Variants in SPP2 observed in about 807,000 individuals in gnomAD.
SPP2 encodes secreted phosphoprotein 2.
In SPP2, 34 loss-of-function variants were observed where a neutral mutation model predicts 28.8. The observed-to-expected ratio is 1.18, with a 90% confidence interval of 0.90 to 1.57. SPP2 has a LOEUF of 1.57. Among genes scored for constraint, SPP2 ranks in the 40% most tolerant of loss-of-function variants. The probability of loss-of-function intolerance (pLI) is 0.00; values close to 1 mark genes in which losing one functional copy is unlikely to be tolerated. For synonymous variants in SPP2, 96 were observed against 89.4 expected (o/e 1.07, Z -0.42); for missense variants, 269 against 263.9 (o/e 1.02, Z -0.13).
intron 6 of SPP2, among the ~76,000 whole-genome samples, chr2:234,067,595 G>A (rs1693848372): frequency 6.6e-6 from 1 of 151,876 alleles, no homozygotes; most frequent in South Asian, 2.1e-4. Context: ...GGCTAACATG[G>A]TGAAACCCCG....
intron 3 of SPP2, 83 bp downstream of exon 3, chr2:234,059,041 T>G (rs1574826573): frequency 6.6e-7 from 1 of 1,518,514 alleles, no homozygotes; most frequent in East Asian, 2.3e-5. Flanking sequence ...ACAAAGAACT[T>G]GGTCGCTGCC....
chr2:234,052,523 G>T (rs28903987), intron 2 of SPP2, among the ~76,000 whole-genome samples: 2,044 of 152,320 alleles, frequency 0.013, 58 homozygotes, highest in African/African-American at 0.046. Flanking sequence ...ATGAGCTATT[G>T]TGAGGCACAG....
chr2:234,073,104 T>G (rs1431902475), intron 7 of SPP2, among the ~76,000 whole-genome samples: 1 of 152,288 alleles, frequency 6.6e-6, no homozygotes, highest in East Asian at 1.9e-4. Context: ...GCCAGGCTAG[T>G]CTCAAACTCC....
chr2:234,056,335 C>G (rs1054662833), intron 2 of SPP2: 2 of 152,152 alleles, frequency 1.3e-5, no homozygotes, highest in African/African-American at 4.8e-5. Context: ...TCATCACTGG[C>G]CATCAGAGAA....
intron 2 of SPP2, among the ~76,000 whole-genome samples, chr2:234,052,620 C>T (rs28903988): frequency 0.075 from 11,407 of 152,186 alleles, 802 homozygotes; most frequent in African/African-American, 0.19. Context: ...AAAATAGATA[C>T]AATTATATGC....
At chr2:234,059,525 C>T (rs1467188123) in intron 3 of SPP2, among the ~76,000 whole-genome samples, 2 of 152,118 alleles carry the variant, frequency 1.3e-5, no homozygotes, top group Non-Finnish European at 2.9e-5. Context: ...CTCCCAAATC[C>T]AGTTTCTCGG....
At chr2:234,069,455 A>G (rs1339988171) in intron 6 of SPP2, among the ~76,000 whole-genome samples, 1 of 152,232 alleles carries the variant, frequency 6.6e-6, no homozygotes, top group Non-Finnish European at 1.5e-5. Flanking sequence ...AATGTGACCA[A>G]TTCTTTTATA....
intron 4 of SPP2, among the ~76,000 whole-genome samples, chr2:234,062,619 T>G (rs941974004): frequency 2.0e-5 from 3 of 152,066 alleles, no homozygotes; most frequent in Admixed American, 2.0e-4. Flanking sequence ...AGATTGGAAC[T>G]AGGTAAGAAT....
intron 7 of SPP2, among the ~76,000 whole-genome samples, chr2:234,073,141 G>C (rs376633937): frequency 5.3e-4 from 81 of 152,288 alleles, no homozygotes; most frequent in African/African-American, 1.9e-3. Context: ...ACCTGCCTTG[G>C]CCTCCCGAAG....
At chr2:234,057,397 C>T (rs910436810) in intron 2 of SPP2, among the ~76,000 whole-genome samples, 3 of 152,226 alleles carry the variant, frequency 2.0e-5, no homozygotes, top group Non-Finnish European at 4.4e-5. Context: ...TTTCTATTCA[C>T]AGGATGAGCT....
At chr2:234,076,025 C>T (rs371029612) in intron 7 of SPP2, among the ~76,000 whole-genome samples, 1 of 152,174 alleles carries the variant, frequency 6.6e-6, no homozygotes, top group South Asian at 2.1e-4. Context: ...CTCTAGCCTG[C>T]TATGTTCAGC....
intron 6 of SPP2, among the ~76,000 whole-genome samples, chr2:234,068,142 A>G (rs1693864468): frequency 6.6e-6 from 1 of 152,280 alleles, no homozygotes; most frequent in South Asian, 2.1e-4. Context: ...CCTGTCAACC[A>G]CGTGTGTTAC....
chr2:234,076,217 A>C (rs250970), intron 7 of SPP2, among the ~76,000 whole-genome samples: 127,086 of 151,980 alleles, frequency 0.84, 53,405 homozygotes, highest in Middle Eastern at 0.94. Flanking sequence ...CCCAGCCTTG[A>C]GTGCTGCTTC....
chr2:234,061,409 A>C (rs1439304581), intron 4 of SPP2, among the ~76,000 whole-genome samples: 2 of 152,224 alleles, frequency 1.3e-5, no homozygotes, highest in East Asian at 1.9e-4. Context: ...CCATCTCTTC[A>C]CTTTAAACTA....
intron 7 of SPP2, among the ~76,000 whole-genome samples, chr2:234,076,329 A>G (rs1690893252): frequency 6.6e-6 from 1 of 152,112 alleles, no homozygotes; most frequent in Non-Finnish European, 1.5e-5. Context: ...GCTGGGATAC[A>G]GTATCCCCGC....
chr2:234,067,432 A>G (rs184200255), intron 6 of SPP2, among the ~76,000 whole-genome samples, 158 bp downstream of exon 6: 17 of 152,320 alleles, frequency 1.1e-4, no homozygotes, highest in Non-Finnish European at 4.4e-5. Context: ...TAATGTATAA[A>G]CTTGCTTTGC....
intron 5 of SPP2, 31 bp from the exon 6 acceptor site, chr2:234,067,193 G>A (rs201079743): frequency 8.6e-5 from 137 of 1,601,108 alleles, no homozygotes; most frequent in Non-Finnish European, 1.2e-4. Flanking sequence ...AGTGAGAGGA[G>A]TCTTGTCTTA....
At chr2:234,055,531 A>G (rs1431539771) in intron 2 of SPP2, among the ~76,000 whole-genome samples, 1 of 152,236 alleles carries the variant, frequency 6.6e-6, no homozygotes, top group African/African-American at 2.4e-5. Context: ...AAAATTAACC[A>G]TTACAATTGT....
intron 3 of SPP2, among the ~76,000 whole-genome samples, chr2:234,059,485 C>G (rs1276156695): frequency 2.0e-5 from 3 of 152,060 alleles, no homozygotes; most frequent in Non-Finnish European, 4.4e-5. Context: ...ACCCCAAAGG[C>G]CAAGGGAGCT....
Sources: gnomAD v4.1 joint callset for allele counts (sites outside exome capture counted in the v4.1 genomes callset) on GRCh38, gnomAD v4.1.1 for gene constraint, MANE v1.5 for transcripts, NCBI Gene and HGNC (gene_info 2026-07-23, HGNC 2026-07-21) for gene names.